The following RALGPS1 variants were observed in gnomAD, a reference collection of about 807,000 sequenced individuals.
RALGPS1 encodes ras-specific guanine nucleotide-releasing factor RalGPS1.
RALGPS1 carries 19 observed loss-of-function variants against 78.8 expected under a neutral mutation model. The ratio of observed to expected loss-of-function variants is 0.24; its 90% CI spans 0.17 to 0.35. The LOEUF is 0.35. RALGPS1 is among the 10% of genes least tolerant of loss of function. RALGPS1 has a pLI of 1.00. For missense variants in RALGPS1, 454 were observed against 688.3 expected, an observed-to-expected ratio of 0.66 and a Z score of 3.81; for synonymous variants, 228 against 256.3, an observed-to-expected ratio of 0.89 and a Z score of 1.06.
intron 8 of RALGPS1, among the ~76,000 whole-genome samples, chr9:127,095,623 C>T (rs961045971): frequency 6.6e-6 from 1 of 152,220 alleles, no homozygotes; most frequent in Non-Finnish European, 1.5e-5. Flanking sequence ...ACCTCCTCCC[C>T]ACTTGAATTC....
In RALGPS1 at chr9:127,212,937, C is replaced by T. The variant is rs1163853811; in HGVS notation, c.1447-7C>T. ...CGGTCTCCGGATGTGTTGTTGCTCT[C>T]CTCCAGTATAAATCCACACCTGGCA... On this transcript the variant is annotated splice_region_variant and splice_polypyrimidine_tract_variant and intron_variant, in intron 16 of 18. Transcript: ENST00000259351. The surrounding 1 kb of genome is among the most constrained non-coding windows in gnomAD (Gnocchi z 6.0). 6.2e-6 allele frequency: 10 copies of T among 1,614,026 alleles called. No homozygotes were observed. Among genetic ancestry groups the T allele is most frequent in the Admixed American group, 5.0e-5 (3 of 60,006 alleles).
At chr9:127,042,579 A>G (rs1449188790) in intron 5 of RALGPS1, among the ~76,000 whole-genome samples, 1 of 152,240 alleles carries the variant, frequency 6.6e-6, no homozygotes, top group Non-Finnish European at 1.5e-5. Flanking sequence ...ATGGTAAGAC[A>G]CTGAATACTT....
chr9:126,937,949 T>A (rs1165248867), intron 1 of RALGPS1, among the ~76,000 whole-genome samples: 2 of 152,130 alleles, frequency 1.3e-5, no homozygotes, highest in Non-Finnish European at 2.9e-5. Flanking sequence ...AAAACCAGTG[T>A]CAGGAAGTGA....
intron 4 of RALGPS1, among the ~76,000 whole-genome samples, chr9:127,034,145 C>T (rs949606150): frequency 2.0e-5 from 3 of 152,212 alleles, no homozygotes; most frequent in African/African-American, 7.2e-5. Flanking sequence ...GACTTCTGGT[C>T]TTAGAGAAGC....
At chr9:127,189,388 C>A (rs73597291) in intron 11 of RALGPS1, among the ~76,000 whole-genome samples, 3 of 152,088 alleles carry the variant, frequency 2.0e-5, no homozygotes, top group Non-Finnish European at 2.9e-5. Context: ...GGGAGGAGAA[C>A]GTGCTTCCTG....
chr9:127,135,701 A>G (rs1210958271), intron 8 of RALGPS1, among the ~76,000 whole-genome samples: 2 of 152,196 alleles, frequency 1.3e-5, no homozygotes, highest in African/African-American at 2.4e-5. Flanking sequence ...AGGCTCTGCT[A>G]GAGTCTGTGA....
At chr9:126,943,798 T>C (rs1268373272) in intron 1 of RALGPS1, among the ~76,000 whole-genome samples, 1 of 152,196 alleles carries the variant, frequency 6.6e-6, no homozygotes, top group Non-Finnish European at 1.5e-5. Flanking sequence ...GCTTCCTTCT[T>C]GTTTTAAGGG....
chr9:126,950,289 C>T (rs1256855626), intron 1 of RALGPS1, among the ~76,000 whole-genome samples: 6 of 152,100 alleles, frequency 3.9e-5, no homozygotes, highest in Non-Finnish European at 8.8e-5. Context: ...ATTCACTTGG[C>T]GATGTGGGCT....
At chr9:126,957,727 T>G (rs1588641609) in intron 1 of RALGPS1, among the ~76,000 whole-genome samples, 1 of 152,142 alleles carries the variant, frequency 6.6e-6, no homozygotes, top group Non-Finnish European at 1.5e-5. Flanking sequence ...GAGTTTCTGT[T>G]GGAGGGTCCC....
At chr9:127,197,764 A>C (rs116178053) in intron 13 of RALGPS1, among the ~76,000 whole-genome samples, 1 of 152,170 alleles carries the variant, frequency 6.6e-6, no homozygotes, top group East Asian at 1.9e-4. Flanking sequence ...GTTCCAGGTC[A>C]TGCATGGGGA....
At chr9:127,161,838 A>G (rs903359528) in intron 8 of RALGPS1, among the ~76,000 whole-genome samples, 1 of 150,428 alleles carries the variant, frequency 6.6e-6, no homozygotes, top group Non-Finnish European at 1.5e-5. Flanking sequence ...TGCTTCTGCC[A>G]GTTCCCAGCT....
chr9:127,199,718 C>A (rs113786754), intron 14 of RALGPS1, among the ~76,000 whole-genome samples: 10,579 of 152,212 alleles, frequency 0.07, 1,191 homozygotes, highest in African/African-American at 0.24. Context: ...GTGCCAGGCG[C>A]CCGGTGATCT....
chr9:127,191,596 A>G (rs1345918965), intron 11 of RALGPS1, among the ~76,000 whole-genome samples: 1 of 151,994 alleles, frequency 6.6e-6, no homozygotes, highest in African/African-American at 2.4e-5. Context: ...TCTGCCATCC[A>G]GTAGGGCAAG....
chr9:126,962,232 C>G lies in RALGPS1; in HGVS notation c.-58C>G. 1 of 1,583,110 alleles carries G rather than the reference C, an allele frequency of 6.3e-7. No individual in the cohort carries two copies. The highest frequency in any genetic ancestry group is 8.7e-7 in the Non-Finnish European group (1 of 1,153,144). On this transcript the variant is annotated 5_prime_UTR_variant, in exon 2 of 19. Coordinates refer to ENST00000259351, the MANE Select transcript of RALGPS1 (RefSeq NM_014636.3). ...AGCCCCTTTGCCTTGCAGGACTTCT[C>G]CAGACAGGTTATGTTACCTGCAGAG...
chr9:126,947,555 T>C (rs2037396981), intron 1 of RALGPS1, among the ~76,000 whole-genome samples: 1 of 152,188 alleles, frequency 6.6e-6, no homozygotes, highest in South Asian at 2.1e-4. Context: ...TGTAGCATGA[T>C]TCTCCCCAGA....
At chr9:126,930,436 AT>A (rs2035687876) in intron 1 of RALGPS1, among the ~76,000 whole-genome samples, 4 of 152,068 alleles carry the variant, frequency 2.6e-5, no homozygotes, top group African/African-American at 9.7e-5. Context: ...TGGTAAAAAA[AT>A]ATTTATTTAT....
intron 12 of RALGPS1, 63 bp downstream of exon 12, chr9:127,195,280 A>G (rs1170283358): frequency 2.5e-6 from 4 of 1,570,982 alleles, no homozygotes; most frequent in South Asian, 1.1e-5. Flanking sequence ...GCCTGGGCAC[A>G]GTGCAGGGAA....
intron 10 of RALGPS1, among the ~76,000 whole-genome samples, chr9:127,171,165 A>G (rs1217761510): frequency 1.3e-5 from 2 of 152,184 alleles, no homozygotes; most frequent in Non-Finnish European, 2.9e-5. Flanking sequence ...AAATTACCCA[A>G]TTTCCCATTA....
chr9:127,072,834 C>T (rs2050320787), intron 8 of RALGPS1, among the ~76,000 whole-genome samples: 1 of 152,128 alleles, frequency 6.6e-6, no homozygotes, highest in Non-Finnish European at 1.5e-5. Flanking sequence ...TGAAGTACTC[C>T]GTACAAAGTT....
Sources: gnomAD v4.1 joint callset for allele counts (sites outside exome capture counted in the v4.1 genomes callset) on GRCh38, gnomAD v4.1.1 for gene constraint, Gnocchi (gnomAD v3.1) non-coding constraint, MANE v1.5 for transcripts, NCBI Gene and HGNC (gene_info 2026-07-23, HGNC 2026-07-21) for gene names.